Variants in ERI2 observed in about 807,000 individuals in gnomAD.
ERI2 encodes ERI1 exoribonuclease family member 2.
ERI2 carries 35 observed loss-of-function variants against 46.8 expected under a neutral mutation model. That is an observed-to-expected ratio of 0.75 (90% CI 0.57 to 0.99). The LOEUF is 0.99. Ranked by LOEUF, ERI2 falls within the 50% of genes least tolerant of loss-of-function variation. The pLI, the probability that ERI2 is intolerant of heterozygous loss-of-function variation, is 0.00. For synonymous variants in ERI2, 224 were observed against 271.0 expected, an observed-to-expected ratio of 0.83 and a Z score of 1.70; for missense variants, 695 against 796.2, an observed-to-expected ratio of 0.87 and a Z score of 1.53.
chr16:20,803,521 A>C lies in ERI2; in HGVS notation c.92-5T>G. ...TTAAGTAGTCAAACAACTGCTCTGC[A>C]AAAGATCAAGTTGTTCTTATGCTTT... is the stretch of plus-strand genomic sequence containing the variant. On this transcript the variant is annotated splice_region_variant and splice_polypyrimidine_tract_variant and intron_variant, in intron 2 of 8. Transcript: ENST00000357967. The C allele has an allele frequency of 6.2e-7, 1 of 1,613,874 alleles. No individual in the cohort carries two copies.
At chr16:20,781,046 G>C (rs1318176496) in intron 10 of ERI2, 1 of 1,614,082 alleles carries the variant, frequency 6.2e-7, no homozygotes, top group Admixed American at 1.7e-5. Context: ...AGTCTGCATG[G>C]AGTAGTGTTT....
chr16:20,787,551 A>AT (rs981049948), intron 10 of ERI2, among the ~76,000 whole-genome samples: 75 of 152,322 alleles, frequency 4.9e-4, no homozygotes, highest in African/African-American at 1.7e-3. Flanking sequence ...GAACTCTGAA[A>AT]TTTGAAATCT....
chr16:20,799,595 A>T, intron 7 of ERI2: 1 of 500,930 alleles, frequency 2.0e-6, no homozygotes, highest in South Asian at 3.1e-5. Flanking sequence ...TGTATTAGAC[A>T]GTTCCCCAAA....
At chr16:20,806,068 C>T (rs2080865243) in intron 1 of ERI2, 2 of 1,229,176 alleles carry the variant, frequency 1.6e-6, no homozygotes, top group African/African-American at 3.1e-5. Flanking sequence ...CAGTGTGTGG[C>T]CTGCCTGAGA....
intron 4 of ERI2, 59 bp from the exon 5 acceptor site, chr16:20,801,418 GT>G: frequency 6.8e-7 from 1 of 1,477,108 alleles, no homozygotes; most frequent in South Asian, 1.4e-5. Flanking sequence ...TATTTAGCAT[GT>G]TTTATAACTG....
At position 20,799,277 on chromosome 16, in the gene ERI2, T is replaced by C; in HGVS notation, c.718A>G (p.Arg240Gly). ...IRDGCVMKIT[R>G]SLNKVPTKKN... ...ACACTACTAACCTTGTTCAACGACC[T>C]TGTAATTTTCATTACACAACCATCT... The change falls in exon 8 of 9, where the codon AGG (arginine) becomes GGG (glycine). Residue 240 changes from arginine (R) to glycine (G), a missense_variant. Physicochemically the swap from Arg to Gly is moderately radical, Grantham distance 125. Coordinates refer to ENST00000357967, the MANE Select transcript of ERI2 (RefSeq NM_001142725.2). 1 of 1,613,698 alleles carries C rather than the reference T, an allele frequency of 6.2e-7. No individual in the cohort carries two copies. Among genetic ancestry groups the C allele is most frequent in the Non-Finnish European group, 8.5e-7 (1 of 1,179,720 alleles).
intron 10 of ERI2, chr16:20,780,943 T>C (rs953855930): frequency 6.2e-7 from 1 of 1,613,060 alleles, no homozygotes; most frequent in African/African-American, 1.3e-5. Flanking sequence ...TATTTTCCTA[T>C]GTACATCAGG....
At chr16:20,792,296 G>A (rs2080619675), downstream of ERI2, 2 of 1,613,978 alleles carry the variant, frequency 1.2e-6, no homozygotes, top group Non-Finnish European at 1.7e-6. Context: ...CAGTTGCAGA[G>A]TCAGCTGTTG....
intron 9 of ERI2, among the ~76,000 whole-genome samples, chr16:20,789,977 A>T (rs1457489621): frequency 6.6e-6 from 1 of 151,832 alleles, no homozygotes; most frequent in Non-Finnish European, 1.5e-5. Flanking sequence ...CCCAGCCAGC[A>T]ATCCTATTTT....
intron 7 of ERI2, 94 bp from the exon 8 acceptor site, chr16:20,799,445 G>A: frequency 5.9e-6 from 7 of 1,196,016 alleles, no homozygotes; most frequent in Non-Finnish European, 8.3e-6. Flanking sequence ...CACCACTTGT[G>A]TAGAAATTGG....
Position 20,798,476 on chromosome 16 carries a change from C to T in ERI2, c.1324G>A (p.Glu442Lys). ...SDLEISFNSG[E>K]RLMVLKELEM... Reference sequence around the variant, plus strand: ...AATTCTTTCAAAACCATTAATCTTTCTCCAGAATTAAATGAAATCTCTAAG... The same window carrying T: ...AATTCTTTCAAAACCATTAATCTTTTTCCAGAATTAAATGAAATCTCTAAG... Residue 442 changes from glutamate to lysine, a missense_variant, in exon 9 of 9, where the codon GAA becomes AAA. Transcript: ENST00000357967. The T allele has an allele frequency of 6.4e-7, 1 of 1,551,438 alleles. No homozygotes were observed. The highest frequency in any genetic ancestry group is 8.7e-7 in the Non-Finnish European group (1 of 1,146,850).
chr16:20,796,695 C>T lies in ERI2; in HGVS notation c.*1029G>A. On this transcript the variant is annotated 3_prime_UTR_variant, in exon 9 of 9. Coordinates refer to ENST00000357967, the MANE Select transcript of ERI2 (RefSeq NM_001142725.2). ...GTTTGGTCCTTTGGCTTACTGGACT[C>T]ACAGTAAATACTTAATATCAAGACA... is the stretch of plus-strand genomic sequence containing the variant. 1 of 1,477,920 alleles carries T rather than the reference C, an allele frequency of 6.8e-7. No homozygotes were observed. Among genetic ancestry groups the T allele is most frequent in the Non-Finnish European group, 8.9e-7 (1 of 1,121,380 alleles). 91.6% of individuals were successfully genotyped at this position (1,477,920 alleles called of 1,614,324 possible).
intron 10 of ERI2, chr16:20,785,950 T>G: frequency 1.6e-5 from 9 of 575,896 alleles, no homozygotes; most frequent in East Asian, 3.1e-5. Flanking sequence ...TCCATGAGAG[T>G]ATAGCATTCA....
downstream of ERI2, chr16:20,796,312 A>G: frequency 3.2e-6 from 5 of 1,582,864 alleles, no homozygotes; most frequent in South Asian, 4.6e-5. Flanking sequence ...CAAACAAGAC[A>G]TACTAAAACA....
At chr16:20,786,731 G>A (rs1180261121) in intron 10 of ERI2, among the ~76,000 whole-genome samples, 1 of 152,144 alleles carries the variant, frequency 6.6e-6, no homozygotes, top group Non-Finnish European at 1.5e-5. Flanking sequence ...AACCCTATGA[G>A]AAGCATACTA....
At position 20,790,752 on chromosome 16, in the gene ERI2, G is replaced by C. The variant is rs951889403; in HGVS notation, c.815+98C>G. 3.1e-6 allele frequency: 5 copies of C among 1,613,420 alleles called. No homozygotes were observed. The highest frequency in any genetic ancestry group is 4.2e-6 in the Non-Finnish European group (5 of 1,179,574). ...TCTCAAGTGCTTGGTAACAATCCCT[G>C]TTTGCCACAAAACATACCTAGGATA... On this transcript the variant is annotated intron_variant, in intron 9 of 10. Coordinates refer to the ERI2 transcript ENST00000300005. The surrounding 1 kb of genome is among the most constrained non-coding windows in gnomAD (Gnocchi z 4.0).
chr16:20,796,321 C>T, downstream of ERI2: 1 of 1,592,498 alleles, frequency 6.3e-7, no homozygotes, highest in Non-Finnish European at 8.5e-7. Flanking sequence ...CATACTAAAA[C>T]ATACAAATGC....
In ERI2 at chr16:20,806,436, A is replaced by G. The variant is rs1596556528; in HGVS notation, c.-6T>C. ...GCGAGCCGCTTGGTCGCCATTCCCG[A>G]CACTCCTTGCTTTTCCAAGTCCAGC... On this transcript the variant is annotated 5_prime_UTR_variant, in exon 1 of 9. Transcript: ENST00000357967. The G allele has an allele frequency of 2.6e-6, 4 of 1,552,882 alleles. No homozygotes were observed. In the East Asian group the frequency reaches 7.3e-5, roughly 28 times the overall value.
rs1321429968 is a variant in ERI2, at chr16:20,806,405, T to G, written c.23+3A>C. 5 of 1,550,048 alleles carry G rather than the reference T, an allele frequency of 3.2e-6. No individual in the cohort carries two copies. Among genetic ancestry groups the G allele is most frequent in the Non-Finnish European group, 4.4e-6 (5 of 1,147,022 alleles). ...GCCCCCGACCCGGAACTCCCTCGAG[T>G]ACCGCGCGAGCCGCTTGGTCGCCAT... On this transcript the variant is annotated splice_donor_region_variant and intron_variant, in intron 1 of 8. Transcript: ENST00000357967.
Sources: allele counts gnomAD v4.1 joint callset (sites outside exome capture counted in the v4.1 genomes callset), GRCh38; gene constraint gnomAD v4.1.1; non-coding constraint Gnocchi (gnomAD v3.1); transcripts MANE v1.5; gene names NCBI Gene and HGNC (gene_info 2026-07-23, HGNC 2026-07-21).